NFAT5: variants seen among roughly 807,000 people sequenced by gnomAD.
NFAT5 encodes the protein nuclear factor of activated T-cells 5.
A neutral mutation model predicts 166.5 loss-of-function variants in NFAT5; 31 were observed. The observed-to-expected ratio is 0.19, with a 90% CI of 0.14 to 0.25. The LOEUF (loss-of-function observed/expected upper bound fraction) is 0.25, where lower values mean the gene tolerates loss of function less well. Among genes scored for constraint, NFAT5 ranks in the 10% least tolerant of loss-of-function variants. The pLI, the probability that NFAT5 is intolerant of heterozygous loss-of-function variation, is 1.00. For missense variants in NFAT5, 1,449 were observed against 1,821.8 expected, an observed-to-expected ratio of 0.80 and a Z score of 3.72; for synonymous variants, 612 against 639.7, an observed-to-expected ratio of 0.96 and a Z score of 0.65.
rs565458918 is a variant in NFAT5, at chr16:69,704,136, G to A, written c.*7785G>A. 6.5e-6 allele frequency: 1 copy of A among 152,716 alleles called. No homozygotes were observed. The highest frequency in any genetic ancestry group is 1.5e-5 in the Non-Finnish European group (1 of 68,012). 9.5% of individuals were successfully genotyped at this position (152,716 alleles called of 1,614,324 possible). A position where few individuals can be genotyped will look rare whatever the true frequency, so the allele number is the denominator to read the frequency against. On this transcript the variant is annotated 3_prime_UTR_variant, in exon 15 of 15. Transcript: ENST00000349945. ...ATTGTGACTTGAGTAGTTACAGACT[G>A]ATTCCAGTGAACTTGATCTAATTTC...
rs2037876281 is a variant in NFAT5, at chr16:69,700,323, T to G, written c.*3972T>G. On this transcript the variant is annotated 3_prime_UTR_variant, in exon 15 of 15. Transcript: ENST00000349945. ...TCATCAGAACCTCAGCTAATCTACC[T>G]AGGAAAAATAGTATCAAAGGAAATG... 1 of 152,202 alleles carries G rather than the reference T, an allele frequency of 6.6e-6. No individual in the cohort carries two copies. Among genetic ancestry groups the G allele is most frequent in the Non-Finnish European group, 1.5e-5 (1 of 68,042 alleles). The allele number at this position is 152,202 out of a possible 1,614,324, so 9.4% of individuals were successfully genotyped here. A position where few individuals can be genotyped will look rare whatever the true frequency, so the allele number is the denominator to read the frequency against.
At chr16:69,625,564 T>A (rs2034419458) in intron 2 of NFAT5, among the ~76,000 whole-genome samples, 1 of 151,968 alleles carries the variant, frequency 6.6e-6, no homozygotes, top group Admixed American at 6.6e-5. Context: ...TCCACAAAGT[T>A]TTTCTTTGAT....
intron 2 of NFAT5, among the ~76,000 whole-genome samples, chr16:69,619,991 AC>A (rs1335631463): frequency 6.6e-6 from 1 of 152,250 alleles, no homozygotes; most frequent in Non-Finnish European, 1.5e-5. Flanking sequence ...GATTGAATTA[AC>A]CCAGAAATAA....
intron 2 of NFAT5, among the ~76,000 whole-genome samples, chr16:69,581,331 A>T (rs773517610): frequency 6.6e-6 from 1 of 152,150 alleles, no homozygotes; most frequent in Non-Finnish European, 1.5e-5. Flanking sequence ...TTGTTTATCT[A>T]TTCATTAGTT....
intron 10 of NFAT5, among the ~76,000 whole-genome samples, chr16:69,681,587 T>C (rs1484601434): frequency 1.3e-5 from 2 of 152,152 alleles, no homozygotes; most frequent in Admixed American, 6.6e-5. Flanking sequence ...CTAATATGCC[T>C]AAGAGTGCTC....
intron 2 of NFAT5, among the ~76,000 whole-genome samples, chr16:69,613,516 C>T (rs1464174384): frequency 6.6e-6 from 1 of 152,124 alleles, no homozygotes; most frequent in Non-Finnish European, 1.5e-5. Flanking sequence ...TTGTAACTTC[C>T]GTGTTCTGAG....
intron 2 of NFAT5, among the ~76,000 whole-genome samples, chr16:69,608,079 T>C (rs2033507392): frequency 6.6e-6 from 1 of 152,096 alleles, no homozygotes; most frequent in South Asian, 2.1e-4. Context: ...TATTGGCCGG[T>C]CACGGTGGCT....
In NFAT5 at chr16:69,647,597, A is replaced by G; in HGVS notation, c.812+11A>G. The G allele has an allele frequency of 6.5e-7, 1 of 1,536,972 alleles. No individual in the cohort carries two copies. The highest frequency in any genetic ancestry group is 8.7e-7 in the Non-Finnish European group (1 of 1,148,240). The stretch of plus-strand genomic sequence containing the variant: ...AAAAGCGGGAAATGGGTTGGTATTC[A>G]CATTTTTTAAAATTCTATCATCATT... On this transcript the variant is annotated intron_variant, in intron 4 of 14. Coordinates refer to ENST00000349945, the MANE Select transcript of NFAT5 (RefSeq NM_138713.4). The surrounding 1 kb of genome is among the most constrained non-coding windows in gnomAD (Gnocchi z 4.8).
intron 10 of NFAT5, among the ~76,000 whole-genome samples, chr16:69,682,843 G>A (rs774161521): frequency 6.6e-6 from 1 of 152,122 alleles, no homozygotes; most frequent in East Asian, 1.9e-4. Flanking sequence ...CTCAGGAGAT[G>A]TGTACAGATT....
chr16:69,629,403 C>A (rs909337218), intron 3 of NFAT5, among the ~76,000 whole-genome samples: 7 of 152,102 alleles, frequency 4.6e-5, no homozygotes, highest in Non-Finnish European at 1.0e-4. Context: ...AATCCACAAT[C>A]CAGAATATTG....
intron 2 of NFAT5, among the ~76,000 whole-genome samples, chr16:69,608,303 A>G (rs540676109): frequency 9.9e-5 from 15 of 152,104 alleles, no homozygotes; most frequent in Non-Finnish European, 1.3e-4. Context: ...CATACATACA[A>G]TGATCACTAC....
At chr16:69,648,288 C>A in intron 4 of NFAT5, 1 of 984,398 alleles carries the variant, frequency 1.0e-6, no homozygotes, top group East Asian at 1.1e-4. Context: ...ATTGTGTCCT[C>A]ATATGGTTTA....
At chr16:69,650,521 C>T (rs1414945446) in intron 4 of NFAT5, among the ~76,000 whole-genome samples, 1 of 152,066 alleles carries the variant, frequency 6.6e-6, no homozygotes, top group Non-Finnish European at 1.5e-5. Context: ...AATACTTCAT[C>T]CCAAGTGAGA....
At chr16:69,601,735 CATTTT>C (rs2033144125) in intron 2 of NFAT5, among the ~76,000 whole-genome samples, 1 of 152,116 alleles carries the variant, frequency 6.6e-6, no homozygotes, top group Non-Finnish European at 1.5e-5. Flanking sequence ...ACTATTATTT[CATTTT>C]ATTTTTTAAC....
intron 9 of NFAT5, chr16:69,676,915 G>A (rs2036853841): frequency 3.7e-6 from 1 of 267,864 alleles, no homozygotes; most frequent in East Asian, 9.1e-5. Context: ...TAAAAGAAGG[G>A]ACCGAGGTCA....
chr16:69,623,823 CT>C (rs1282839868), intron 2 of NFAT5, among the ~76,000 whole-genome samples: 1 of 113,036 alleles, frequency 8.8e-6, no homozygotes, highest in Non-Finnish European at 1.8e-5. Context: ...CTTTTTTTTT[CT>C]TTTTTTTGCC....
At chr16:69,567,099 C>T (rs1292287099) in intron 1 of NFAT5, among the ~76,000 whole-genome samples, 3 of 152,162 alleles carry the variant, frequency 2.0e-5, no homozygotes, top group Admixed American at 6.5e-5. Flanking sequence ...GGGGTGCCCT[C>T]TCTGGATTGG....
chr16:69,690,056 C>G (rs1425924303), intron 11 of NFAT5, among the ~76,000 whole-genome samples: 1 of 152,142 alleles, frequency 6.6e-6, no homozygotes, highest in African/African-American at 2.4e-5. Context: ...GCTATGTGCT[C>G]AACTCAGAAG....
chr16:69,635,417 T>C (rs2034920294), intron 3 of NFAT5, among the ~76,000 whole-genome samples: 1 of 152,170 alleles, frequency 6.6e-6, no homozygotes, highest in South Asian at 2.1e-4. Flanking sequence ...GGTCTTATTT[T>C]GAAGTTTCGC....
Sources: allele counts gnomAD v4.1 joint callset (sites outside exome capture counted in the v4.1 genomes callset), GRCh38; gene constraint gnomAD v4.1.1; non-coding constraint Gnocchi (gnomAD v3.1); transcripts MANE v1.5; gene names NCBI Gene and HGNC (gene_info 2026-07-23, HGNC 2026-07-21).